Variants in ITGA4 observed in about 807,000 individuals in gnomAD.
ITGA4 encodes integrin alpha-4.
A neutral mutation model predicts 133.6 loss-of-function variants in ITGA4; 63 were observed. That is an observed-to-expected ratio of 0.47 (90% confidence interval 0.38 to 0.58). The LOEUF (loss-of-function observed/expected upper bound fraction) is 0.58, where lower values mean the gene tolerates loss of function less well. Ranked by LOEUF, ITGA4 falls within the 20% of genes least tolerant of loss-of-function variation. ITGA4 has a pLI of 0.00. For missense variants in ITGA4, 1,076 were observed against 1,252.7 expected (o/e 0.86, Z 2.13); for synonymous variants, 483 against 438.0 (o/e 1.10, Z -1.28).
intron 2 of ITGA4, among the ~76,000 whole-genome samples, chr2:181,470,715 A>G (rs1685528073): frequency 6.6e-6 from 1 of 151,966 alleles, no homozygotes; most frequent in Non-Finnish European, 1.5e-5. Context: ...CAGGCACAAC[A>G]AAAGAAAAGA....
intron 2 of ITGA4, chr2:181,458,571 T>G: frequency 4.2e-6 from 2 of 476,540 alleles, no homozygotes; most frequent in Admixed American, 3.3e-5. Context: ...TTTCTTATGA[T>G]ACCTTCTCTT....
At chr2:181,534,696 G>A (rs914680865) in intron 26 of ITGA4, 120 bp from the exon 27 acceptor site, 1 of 811,110 alleles carries the variant, frequency 1.2e-6, no homozygotes, top group Admixed American at 3.0e-5. Context: ...GCAAGAAAAT[G>A]GGCTGGGCAG....
chr2:181,459,388 A>C (rs1203197815), intron 2 of ITGA4: 1 of 152,164 alleles, frequency 6.6e-6, no homozygotes, highest in African/African-American at 2.4e-5. Context: ...ACTTCTTTAT[A>C]TTTCTTTGCT....
At chr2:181,471,181 A>G (rs563161166) in intron 2 of ITGA4, among the ~76,000 whole-genome samples, 3 of 152,324 alleles carry the variant, frequency 2.0e-5, no homozygotes, top group Non-Finnish European at 4.4e-5. Context: ...CATTCTTTTT[A>G]CACACATTTT....
At chr2:181,464,080 GAA>G (rs1390141395) in intron 2 of ITGA4, among the ~76,000 whole-genome samples, 1 of 152,004 alleles carries the variant, frequency 6.6e-6, no homozygotes, top group African/African-American at 2.4e-5. Context: ...CGCTGGAGAA[GAA>G]AAGAGGCTGA....
At chr2:181,508,425 G>C (rs1686437441) in intron 15 of ITGA4, among the ~76,000 whole-genome samples, 1 of 152,130 alleles carries the variant, frequency 6.6e-6, no homozygotes, top group South Asian at 2.1e-4. Context: ...GCTGGGCGCG[G>C]TGGTTCAAGC....
chr2:181,531,507 C>T, intron 24 of ITGA4, 150 bp from the exon 25 acceptor site: 1 of 347,110 alleles, frequency 2.9e-6, no homozygotes, highest in Admixed American at 4.5e-5. Context: ...ATTTAAATGC[C>T]ACTAAGGAAA....
Position 181,495,628 on chromosome 2 carries a change from A to G in ITGA4, c.1386-155A>G, listed in dbSNP as rs1686142050. ...TTTTTAGACATTTAAATAAAAAGTTATTTTGCCCTGTGCACAGAAATGTAA... is the reference window on the plus strand; with the variant it reads ...TTTTTAGACATTTAAATAAAAAGTTGTTTTGCCCTGTGCACAGAAATGTAA... On this transcript the variant is annotated intron_variant, in intron 13 of 27. Transcript: ENST00000397033. The surrounding 1 kb of genome is among the most constrained non-coding windows in gnomAD (Gnocchi z 4.3). Among the ~76,000 whole-genome samples, 1 of 152,218 alleles carries G rather than the reference A, an allele frequency of 6.6e-6. No individual in the cohort carries two copies. The highest frequency in any genetic ancestry group is 1.5e-5 in the Non-Finnish European group (1 of 68,042).
At position 181,509,826 on chromosome 2, in the gene ITGA4, A is replaced by T. The variant is rs2305584; in HGVS notation, c.1845+19A>T. 0.29 allele frequency: 452,655 copies of T among 1,563,070 alleles called. 68,942 individuals carry two copies. The highest frequency in any genetic ancestry group is 0.32 in the Non-Finnish European group (365,866 of 1,141,854). Reference sequence around the variant, plus strand: ...AAAAACAGTAGGAATATTTTCCTTTATTCAAATTATTGTATGGCATTTAAC... The same window carrying T: ...AAAAACAGTAGGAATATTTTCCTTTTTTCAAATTATTGTATGGCATTTAAC... On this transcript the variant is annotated intron_variant, in intron 16 of 27. Coordinates refer to ENST00000397033, the MANE Select transcript of ITGA4 (RefSeq NM_000885.6).
At position 181,516,734 on chromosome 2, in the gene ITGA4, T is replaced by A. The variant is rs1239967126; in HGVS notation, c.1922+4959T>A. Among the ~76,000 whole-genome samples the A allele has an allele frequency of 6.6e-6, 1 of 152,068 alleles. No individual in the cohort carries two copies. The highest frequency in any genetic ancestry group is 1.9e-4 in the East Asian group (1 of 5,176). On this transcript the variant is annotated intron_variant, in intron 17 of 27. Transcript: ENST00000397033. The surrounding 1 kb of genome is among the most constrained non-coding windows in gnomAD (Gnocchi z 4.0). ...TCTGTCTTCTGAAATATTAAGGGAA[T>A]GCTGCCTGTCACCTGAATAATCTAG...
rs1308335098 is a variant in ITGA4 at position 181,538,735 on chromosome 2, T to TAACA, written c.*3209_*3212dup. Among the ~76,000 whole-genome samples, 1 of 152,186 alleles carries TAACA rather than the reference T, an allele frequency of 6.6e-6. No homozygotes were observed. The highest frequency in any genetic ancestry group is 1.5e-5 in the Non-Finnish European group (1 of 68,026). On this transcript the variant is annotated 3_prime_UTR_variant, in exon 28 of 28. Coordinates refer to ENST00000397033, the MANE Select transcript of ITGA4 (RefSeq NM_000885.6). ...AAACTAAGATGGAAGGATAAAAATC[T>TAACA]AACACTTTACTATTCAGATGGCTCC...
chr2:181,482,426 A>G lies in ITGA4; in HGVS notation c.903+4A>G, dbSNP rs1685827378. On this transcript the variant is annotated splice_donor_region_variant and intron_variant, in intron 8 of 27. Coordinates refer to ENST00000397033, the MANE Select transcript of ITGA4 (RefSeq NM_000885.6). ...ACATGAAATGAAAGGTAAAAAGGTA[A>G]TATGTCTCTACCTTTAGTATCTCTG... 2 of 1,613,220 alleles carry G rather than the reference A, an allele frequency of 1.2e-6. No individual in the cohort carries two copies. Among genetic ancestry groups the G allele is most frequent in the Non-Finnish European group, 1.7e-6 (2 of 1,179,512 alleles).
At position 181,516,738 on chromosome 2, in the gene ITGA4, G is replaced by C. The variant is rs1486656512; in HGVS notation, c.1922+4963G>C. 1.3e-5 allele frequency among the ~76,000 whole-genome samples: 2 copies of C among 151,988 alleles called. No individual in the cohort carries two copies. Among genetic ancestry groups the C allele is most frequent in the African/African-American group, 2.4e-5 (1 of 41,398 alleles). On this transcript the variant is annotated intron_variant, in intron 17 of 27. Transcript: ENST00000397033. This position sits in a 1 kb window ranked among gnomAD's most constrained non-coding sequence, Gnocchi z 4.0. The stretch of plus-strand genomic sequence containing the variant: ...TCTTCTGAAATATTAAGGGAATGCT[G>C]CCTGTCACCTGAATAATCTAGGGCT...
chr2:181,520,786 G>C (rs535899645), intron 17 of ITGA4, among the ~76,000 whole-genome samples: 1 of 152,078 alleles, frequency 6.6e-6, no homozygotes, highest in African/African-American at 2.4e-5. Flanking sequence ...ATCAGCTCTA[G>C]GAAGGAGTGA....
At position 181,516,841 on chromosome 2, in the gene ITGA4, T is replaced by A. The variant is rs970648146; in HGVS notation, c.1922+5066T>A. Among the ~76,000 whole-genome samples, 1 of 152,022 alleles carries A rather than the reference T, an allele frequency of 6.6e-6. No individual in the cohort carries two copies. Among genetic ancestry groups the A allele is most frequent in the African/African-American group, 2.4e-5 (1 of 41,404 alleles). On this transcript the variant is annotated intron_variant, in intron 17 of 27. Transcript: ENST00000397033. This position sits in a 1 kb window ranked among gnomAD's most constrained non-coding sequence, Gnocchi z 4.0. ...CAACATCTGCCACCATGCTGTTAAT[T>A]CCCGAAAGAGCTAGTGTGATGAAAT...
chr2:181,531,536 A>G, intron 24 of ITGA4, 121 bp from the exon 25 acceptor site: 1 of 423,352 alleles, frequency 2.4e-6, no homozygotes, highest in Non-Finnish European at 4.0e-6. Flanking sequence ...TTAATTTCAT[A>G]TTTATGGAAA....
At chr2:181,475,895 G>T in intron 4 of ITGA4, 1 of 1,563,748 alleles carries the variant, frequency 6.4e-7, no homozygotes. Context: ...GAGCATGTCA[G>T]AGGATATCTG....
At chr2:181,502,073 AGT>A (rs35824091) in intron 15 of ITGA4, among the ~76,000 whole-genome samples, 52,523 of 151,680 alleles carry the variant, frequency 0.35, 9,581 homozygotes, top group South Asian at 0.64. Context: ...GAAAATCAAC[AGT>A]GTGGCATCCT....
Position 181,495,331 on chromosome 2 carries a change from T to C in ITGA4, c.1340-40T>C, listed in dbSNP as rs1185398231. On this transcript the variant is annotated intron_variant, in intron 12 of 27. Transcript: ENST00000397033. The surrounding 1 kb of genome is among the most constrained non-coding windows in gnomAD (Gnocchi z 4.3). ...TGGCTGAAAAATAATTCTCTTTGAC[T>C]AATGATGATCATTAATCTGTGTTGT... 6.6e-7 allele frequency: 1 copy of C among 1,508,520 alleles called. No individual in the cohort carries two copies. The highest frequency in any genetic ancestry group is 1.1e-5 in the South Asian group (1 of 88,784). The allele number at this position is 1,508,520 out of a possible 1,614,324, so 93.4% of individuals were successfully genotyped here. A position where few individuals can be genotyped will look rare whatever the true frequency, so the allele number is the denominator to read the frequency against.
Sources: allele counts gnomAD v4.1 joint callset (sites outside exome capture counted in the v4.1 genomes callset), GRCh38; gene constraint gnomAD v4.1.1; non-coding constraint Gnocchi (gnomAD v3.1); transcripts MANE v1.5; gene names NCBI Gene and HGNC (gene_info 2026-07-23, HGNC 2026-07-21).